PRTFDC1: variants seen among roughly 807,000 people sequenced by gnomAD.
PRTFDC1 encodes phosphoribosyl transferase domain containing 1.
PRTFDC1 carries 38 observed loss-of-function variants against 34.6 expected under a neutral mutation model. The ratio of observed to expected loss-of-function variants is 1.10; its 90% CI spans 0.85 to 1.44. The LOEUF (loss-of-function observed/expected upper bound fraction) is 1.44, where lower values mean the gene tolerates loss of function less well. Ranked by LOEUF, PRTFDC1 falls within the 40% of genes most tolerant of loss-of-function variation. The pLI, the probability that PRTFDC1 is intolerant of heterozygous loss-of-function variation, is 0.00. For synonymous variants in PRTFDC1, 93 were observed against 98.1 expected, an observed-to-expected ratio of 0.95 and a Z score of 0.31; for missense variants, 270 against 283.0, an observed-to-expected ratio of 0.95 and a Z score of 0.33.
Position 24,909,680 on chromosome 10 carries a change from T to A in PRTFDC1, c.339+27504A>T, listed in dbSNP as rs376370563. On this transcript the variant is annotated intron_variant, in intron 3 of 8. Coordinates refer to ENST00000320152, the MANE Select transcript of PRTFDC1 (RefSeq NM_020200.7). ...CCTGGCAATAAGTTTAGATTTCAAA[T>A]GTTCTCATTCCAGATTTTACCCTCT... Among the ~76,000 whole-genome samples the A allele has an allele frequency of 5.3e-5, 8 of 152,332 alleles. No individual in the cohort carries two copies. In the East Asian group the frequency reaches 1.4e-3, roughly 26 times the overall value.
chr10:24,875,497 T>C (rs1394938854), intron 3 of PRTFDC1, among the ~76,000 whole-genome samples: 1 of 152,176 alleles, frequency 6.6e-6, no homozygotes, highest in Non-Finnish European at 1.5e-5. Flanking sequence ...TGCAATTATA[T>C]GGTATGTATC....
intron 3 of PRTFDC1, among the ~76,000 whole-genome samples, chr10:24,906,259 G>A (rs952129734): frequency 5.3e-5 from 8 of 152,204 alleles, no homozygotes; most frequent in African/African-American, 1.7e-4. Flanking sequence ...CCCACTCCAC[G>A]TTCCTAACTC....
chr10:24,863,391 T>C (rs1168155792), intron 4 of PRTFDC1, among the ~76,000 whole-genome samples: 1 of 152,164 alleles, frequency 6.6e-6, no homozygotes, highest in African/African-American at 2.4e-5. Flanking sequence ...TTTATGGCCA[T>C]TCTTGAGACC....
intron 3 of PRTFDC1, among the ~76,000 whole-genome samples, chr10:24,921,517 G>C (rs906241101): frequency 1.3e-5 from 2 of 151,982 alleles, no homozygotes; most frequent in African/African-American, 2.4e-5. Flanking sequence ...AGCATTTTTA[G>C]CAAAAGTACT....
intron 7 of PRTFDC1, 140 bp from the exon 8 acceptor site, chr10:24,851,604 C>G: frequency 7.3e-7 from 1 of 1,367,088 alleles, no homozygotes; most frequent in Non-Finnish European, 9.7e-7. Flanking sequence ...GTGAGAAATG[C>G]ACACGATGAG....
intron 4 of PRTFDC1, among the ~76,000 whole-genome samples, chr10:24,860,377 T>C (rs1246836372): frequency 2.0e-5 from 3 of 152,086 alleles, no homozygotes; most frequent in African/African-American, 7.2e-5. Flanking sequence ...TGAGACTCCA[T>C]CTCAAAAGAA....
chr10:24,906,709 T>C (rs997639016), intron 3 of PRTFDC1, among the ~76,000 whole-genome samples: 5 of 152,246 alleles, frequency 3.3e-5, no homozygotes, highest in African/African-American at 1.2e-4. Flanking sequence ...AGGAGATTGC[T>C]ATAAGACCTC....
At chr10:24,882,210 AAAAAAAAAAG>A (rs1848090024) in intron 3 of PRTFDC1, among the ~76,000 whole-genome samples, 1 of 150,194 alleles carries the variant, frequency 6.7e-6, no homozygotes. Context: ...GCCTCAAAAA[AAAAAAAAAAG>A]AAAAGAAAAG....
At chr10:24,912,314 GT>G (rs35378162) in intron 3 of PRTFDC1, among the ~76,000 whole-genome samples, 82 of 118,740 alleles carry the variant, frequency 6.9e-4, no homozygotes, top group East Asian at 1.3e-3. Flanking sequence ...TTGCTGAAGA[GT>G]TTTTTTTTTT....
chr10:24,903,707 CTTT>C (rs112008221), intron 3 of PRTFDC1, among the ~76,000 whole-genome samples: 1 of 142,574 alleles, frequency 7.0e-6, no homozygotes, highest in Non-Finnish European at 1.5e-5. Flanking sequence ...AAGTTGTATT[CTTT>C]TTTTTTTTTT....
chr10:24,941,166 G>A (rs116451971), intron 2 of PRTFDC1, among the ~76,000 whole-genome samples: 8,148 of 151,830 alleles, frequency 0.054, 729 homozygotes, highest in African/African-American at 0.19. Flanking sequence ...TGATCCTCTC[G>A]CCTTAGCCTC....
intron 3 of PRTFDC1, among the ~76,000 whole-genome samples, chr10:24,876,745 C>G (rs146822405): frequency 0.011 from 1,602 of 151,938 alleles, 29 homozygotes; most frequent in African/African-American, 0.036. Context: ...GATGAAGTCT[C>G]ACTGTATTGC....
chr10:24,897,213 T>A (rs559033884), intron 3 of PRTFDC1, among the ~76,000 whole-genome samples: 53 of 150,854 alleles, frequency 3.5e-4, no homozygotes, highest in Middle Eastern at 3.4e-3. Context: ...TTCAAAAAAA[T>A]AAATAAATAA....
At chr10:24,866,293 G>A (rs1039713871) in intron 4 of PRTFDC1, among the ~76,000 whole-genome samples, 1 of 150,190 alleles carries the variant, frequency 6.7e-6, no homozygotes, top group Non-Finnish European at 1.5e-5. Context: ...CGTGGGAGGT[G>A]CAGGTTGCAG....
intron 3 of PRTFDC1, among the ~76,000 whole-genome samples, chr10:24,919,964 C>G (rs575174392): frequency 1.3e-5 from 2 of 152,026 alleles, no homozygotes; most frequent in African/African-American, 4.8e-5. Context: ...ATCAAAAAGT[C>G]AAGAAACGAT....
At chr10:24,882,797 T>C (rs1848101247) in intron 3 of PRTFDC1, among the ~76,000 whole-genome samples, 2 of 151,478 alleles carry the variant, frequency 1.3e-5, no homozygotes, top group Non-Finnish European at 2.9e-5. Flanking sequence ...TGTGCCACCA[T>C]GCCCCACATC....
At chr10:24,880,157 A>T (rs919252055) in intron 3 of PRTFDC1, among the ~76,000 whole-genome samples, 5 of 152,200 alleles carry the variant, frequency 3.3e-5, no homozygotes, top group African/African-American at 9.7e-5. Flanking sequence ...AGTACGCATT[A>T]AGCACTTAGA....
At position 24,920,287 on chromosome 10, in the gene PRTFDC1, ATGAG is replaced by A. The variant is rs551635355; in HGVS notation, c.339+16893_339+16896del. ...GTTATATATATATGTGTATATATAT[ATGAG>A]TGTGTGTGTATATATATATGTGTGT... On this transcript the variant is annotated intron_variant, in intron 3 of 8. Transcript: ENST00000320152. Among the ~76,000 whole-genome samples, 7 of 151,382 alleles carry A rather than the reference ATGAG, an allele frequency of 4.6e-5. 1 individual carries two copies. The South Asian group carries it at 1.5e-3, about 31-fold the overall frequency.
chr10:24,934,257 A>AAGAAGAAGAAGAAGG (rs1372341296), intron 3 of PRTFDC1, among the ~76,000 whole-genome samples: 2 of 149,160 alleles, frequency 1.3e-5, no homozygotes, highest in African/African-American at 5.1e-5. Flanking sequence ...GGAGAAGAAG[A>AAGAAGAAGAAGAAGG]AGAAGAAGAA....
Sources: allele counts gnomAD v4.1 joint callset (sites outside exome capture counted in the v4.1 genomes callset), GRCh38; gene constraint gnomAD v4.1.1; transcripts MANE v1.5; gene names NCBI Gene and HGNC (gene_info 2026-07-23, HGNC 2026-07-21).